The following TBC1D1 variants were observed in gnomAD, a reference collection of about 807,000 sequenced individuals.
The protein encoded by TBC1D1 is TBC1 (tre-2/USP6, BUB2, cdc16) domain family, member 1.
Under a neutral mutation model 125.6 loss-of-function variants are expected in TBC1D1, and 89 were observed. The observed-to-expected ratio is 0.71, with a 90% confidence interval of 0.60 to 0.85. The LOEUF is 0.85. Ranked by LOEUF, TBC1D1 falls within the 40% of genes least tolerant of loss-of-function variation. The pLI, the probability that TBC1D1 is intolerant of heterozygous loss-of-function variation, is 0.00. For missense variants in TBC1D1, 1,377 were observed against 1,469.2 expected (o/e 0.94, Z 1.03); for synonymous variants, 565 against 564.1 (o/e 1.00, Z -0.02).
chr4:38,100,230 A>C (rs1161290116), intron 14 of TBC1D1, among the ~76,000 whole-genome samples: 1 of 152,226 alleles, frequency 6.6e-6, no homozygotes, highest in East Asian at 1.9e-4. Flanking sequence ...TGTTGCTACC[A>C]TAACAAGTTA....
At chr4:38,015,611 C>T (rs34020085) in intron 3 of TBC1D1, among the ~76,000 whole-genome samples, 27,215 of 151,922 alleles carry the variant, frequency 0.18, 2,613 homozygotes, top group East Asian at 0.43. Context: ...CTGGGAGTCC[C>T]CTGGGTCTGA....
chr4:37,932,335 C>A (rs1560494796), intron 2 of TBC1D1, among the ~76,000 whole-genome samples: 1 of 152,098 alleles, frequency 6.6e-6, no homozygotes, highest in Admixed American at 6.6e-5. Context: ...TAAGAATTAC[C>A]ACTAATGTTT....
At chr4:37,980,057 G>A (rs1350443069) in intron 2 of TBC1D1, among the ~76,000 whole-genome samples, 1 of 152,228 alleles carries the variant, frequency 6.6e-6, no homozygotes, top group Non-Finnish European at 1.5e-5. Flanking sequence ...GGGATTACAG[G>A]TGTGAGCCAC....
Position 37,977,914 on chromosome 4 carries a change from C to T in TBC1D1, c.418-36595C>T, listed in dbSNP as rs1036386600. Among the ~76,000 whole-genome samples, 6 of 152,084 alleles carry T rather than the reference C, an allele frequency of 3.9e-5. No individual in the cohort carries two copies. Reference sequence around the variant, plus strand: ...CCCCGCGTGTCTCCCTCGCGGGTGTCGCCCTCGTGTGTCTCCCTCGCAGAA... The same window carrying T: ...CCCCGCGTGTCTCCCTCGCGGGTGTTGCCCTCGTGTGTCTCCCTCGCAGAA... On this transcript the variant is annotated intron_variant, in intron 2 of 19. Transcript: ENST00000261439. The surrounding 1 kb of genome is among the most constrained non-coding windows in gnomAD (Gnocchi z 4.3).
At chr4:37,911,136 T>TCC (rs1560467102) in intron 2 of TBC1D1, among the ~76,000 whole-genome samples, 1 of 135,586 alleles carries the variant, frequency 7.4e-6, no homozygotes, top group African/African-American at 2.8e-5. Flanking sequence ...TCCTCCTTTT[T>TCC]TTTTTTTTTT....
At chr4:38,084,504 C>T (rs1485117832) in intron 12 of TBC1D1, among the ~76,000 whole-genome samples, 2 of 152,244 alleles carry the variant, frequency 1.3e-5, no homozygotes, top group African/African-American at 2.4e-5. Context: ...GGTAAAGCTG[C>T]TCATACTTTG....
rs1336472257 is a variant in TBC1D1, at chr4:38,138,886, A to G, written c.*1551A>G. 1 of 152,624 alleles carries G rather than the reference A, an allele frequency of 6.6e-6. No individual in the cohort carries two copies. Among genetic ancestry groups the G allele is most frequent in the Non-Finnish European group, 1.5e-5 (1 of 68,050 alleles). 9.5% of individuals were successfully genotyped at this position (152,624 alleles called of 1,614,324 possible). On this transcript the variant is annotated 3_prime_UTR_variant, in exon 20 of 20. Transcript: ENST00000261439. ...ACGAGGAGACCACAGTGCTGCCACCAGTGCCTAAACAGGTGGCTGGCATTC... is the reference window on the plus strand; with the variant it reads ...ACGAGGAGACCACAGTGCTGCCACCGGTGCCTAAACAGGTGGCTGGCATTC...
At position 37,995,028 on chromosome 4, in the gene TBC1D1, AT is replaced by A. The variant is rs1305087205; in HGVS notation, c.418-19474del. On this transcript the variant is annotated intron_variant, in intron 2 of 19. Coordinates refer to ENST00000261439, the MANE Select transcript of TBC1D1 (RefSeq NM_015173.4). The surrounding 1 kb of genome is among the most constrained non-coding windows in gnomAD (Gnocchi z 4.3). ...ATTTTTTTGGTTTTGTTTTGTGGGT[AT>A]TTTTTTATTTTTGTATTTTCATCCT... 6.6e-6 allele frequency among the ~76,000 whole-genome samples: 1 copy of A among 151,804 alleles called. No individual in the cohort carries two copies. The highest frequency in any genetic ancestry group is 1.5e-5 in the Non-Finnish European group (1 of 67,942).
At position 38,028,702 on chromosome 4, in the gene TBC1D1, G is replaced by A. The variant is rs369915586; in HGVS notation, c.1302+823G>A. On this transcript the variant is annotated intron_variant, in intron 7 of 19. Coordinates refer to ENST00000261439, the MANE Select transcript of TBC1D1 (RefSeq NM_015173.4). ...GAGAAGAAATTATAAAATGGAAAGC[G>A]CCTCAGGCTGGGAGACAGAAGGTCC... is the stretch of plus-strand genomic sequence containing the variant. Among the ~76,000 whole-genome samples the A allele has an allele frequency of 6.6e-5, 10 of 152,150 alleles. 1 individual carries two copies. Among genetic ancestry groups the A allele is most frequent in the East Asian group, 3.9e-4 (2 of 5,194 alleles).
chr4:37,968,717 G>A (rs1480893796), intron 2 of TBC1D1, among the ~76,000 whole-genome samples: 1 of 152,176 alleles, frequency 6.6e-6, no homozygotes, highest in Non-Finnish European at 1.5e-5. Context: ...GATTCATCTT[G>A]AATCCGGCAT....
intron 13 of TBC1D1, among the ~76,000 whole-genome samples, chr4:38,090,675 C>T (rs1438092284): frequency 1.3e-5 from 2 of 152,192 alleles, no homozygotes; most frequent in African/African-American, 4.8e-5. Context: ...TCCATGCTGA[C>T]ACTGGAACCA....
chr4:37,968,559 C>T (rs1296681799), intron 2 of TBC1D1, among the ~76,000 whole-genome samples: 1 of 152,184 alleles, frequency 6.6e-6, no homozygotes, highest in African/African-American at 2.4e-5. Flanking sequence ...TTGAGGTACC[C>T]ACCTGAATTT....
At chr4:38,093,643 G>T (rs1184752732) in intron 13 of TBC1D1, among the ~76,000 whole-genome samples, 1 of 146,372 alleles carries the variant, frequency 6.8e-6, no homozygotes, top group Non-Finnish European at 1.5e-5. Flanking sequence ...TCCTGTCTTA[G>T]CCTCCAGAGT....
chr4:38,089,117 G>A (rs1758016125), intron 12 of TBC1D1, among the ~76,000 whole-genome samples: 1 of 152,146 alleles, frequency 6.6e-6, no homozygotes, highest in African/African-American at 2.4e-5. Flanking sequence ...TATGTAGTGG[G>A]AACAAATGGT....
chr4:37,900,131 G>GAA (rs545252964), intron 1 of TBC1D1, among the ~76,000 whole-genome samples: 20 of 118,660 alleles, frequency 1.7e-4, no homozygotes, highest in Middle Eastern at 4.6e-3. Flanking sequence ...AAAAAAAAAA[G>GAA]AAAAAAAAAA....
At chr4:37,906,096 G>A (rs982085860) in intron 2 of TBC1D1, among the ~76,000 whole-genome samples, 3 of 152,114 alleles carry the variant, frequency 2.0e-5, no homozygotes, top group African/African-American at 7.2e-5. Context: ...ACAATTATCT[G>A]GATGGTCTGC....
intron 2 of TBC1D1, among the ~76,000 whole-genome samples, chr4:37,927,568 A>G (rs1722383596): frequency 6.6e-6 from 1 of 152,254 alleles, no homozygotes; most frequent in South Asian, 2.1e-4. Flanking sequence ...TATAAAAGCC[A>G]AAACAGCAAT....
intron 2 of TBC1D1, among the ~76,000 whole-genome samples, chr4:37,920,837 G>A (rs568556111): frequency 1.3e-5 from 2 of 152,114 alleles, no homozygotes; most frequent in East Asian, 1.9e-4. Context: ...GGGGCCGGGC[G>A]CGGTGGCTCA....
At chr4:37,915,474 G>A (rs2152262483) in intron 2 of TBC1D1, among the ~76,000 whole-genome samples, 1 of 152,304 alleles carries the variant, frequency 6.6e-6, no homozygotes, top group East Asian at 1.9e-4. Context: ...GAAGATCAGT[G>A]TCCCAGCTCA....
Sources: gnomAD v4.1 joint callset for allele counts (sites outside exome capture counted in the v4.1 genomes callset) on GRCh38, gnomAD v4.1.1 for gene constraint, Gnocchi (gnomAD v3.1) non-coding constraint, MANE v1.5 for transcripts, NCBI Gene and HGNC (gene_info 2026-07-23, HGNC 2026-07-21) for gene names.